The following ERBIN variants were observed in gnomAD, a reference collection of about 807,000 sequenced individuals.
ERBIN encodes the protein densin-180-like protein.
A neutral mutation model predicts 158.4 loss-of-function variants in ERBIN; 60 were observed. The ratio of observed to expected loss-of-function variants is 0.38; its 90% CI spans 0.31 to 0.47. The LOEUF (loss-of-function observed/expected upper bound fraction) is 0.47, where lower values mean the gene tolerates loss of function less well. Among genes scored for constraint, ERBIN ranks in the 20% least tolerant of loss-of-function variants. The pLI is 0.99. For synonymous variants in ERBIN, 594 were observed against 557.2 expected, an observed-to-expected ratio of 1.07 and a Z score of -0.93; for missense variants, 1,610 against 1,648.0, an observed-to-expected ratio of 0.98 and a Z score of 0.40.
chr5:65,999,550 TC>T (rs912787210), intron 4 of ERBIN, among the ~76,000 whole-genome samples: 2 of 152,182 alleles, frequency 1.3e-5, no homozygotes, highest in African/African-American at 4.8e-5. Flanking sequence ...CTAATAATGC[TC>T]TTTTAAACTC....
Position 66,076,350 on chromosome 5 carries a change from G to C in ERBIN, c.3998G>C (p.Gly1333Ala). ...RVRVEKDPEL[G>A]FSISGGVGGR... The stretch of plus-strand genomic sequence containing the variant: ...AGGGTTGAAAAGGATCCAGAACTTG[G>C]ATTTAGCATATCAGGTGGTGTCGGG... Residue 1333 changes from glycine (G) to alanine (A), a missense_variant, in exon 24 of 26, where the codon GGA (glycine) becomes GCA (alanine). Physicochemically the swap from Gly to Ala is moderately conservative, Grantham distance 60 (BLOSUM62 0). Around this residue, in one of 2 missense-constraint regions of ERBIN, gnomAD observed 1,014 missense variants for 936.1 expected, o/e 1.08. Coordinates refer to ENST00000284037, the MANE Select transcript of ERBIN (RefSeq NM_001253697.2). The C allele has an allele frequency of 6.2e-7, 1 of 1,613,560 alleles. No homozygotes were observed. The highest frequency in any genetic ancestry group is 8.5e-7 in the Non-Finnish European group (1 of 1,179,796).
At chr5:65,992,951 A>T in intron 3 of ERBIN, 44 bp downstream of exon 3, 1 of 1,367,682 alleles carries the variant, frequency 7.3e-7, no homozygotes, top group East Asian at 2.4e-5. Context: ...GGTTATTTTT[A>T]TATCTAGAAA....
At chr5:65,957,540 CA>C (rs1381706386) in intron 1 of ERBIN, among the ~76,000 whole-genome samples, 1 of 152,120 alleles carries the variant, frequency 6.6e-6, no homozygotes, top group East Asian at 1.9e-4. Context: ...GGGGTAAGGT[CA>C]TAGATCAACA....
At chr5:66,044,608 T>C (rs1282637432) in intron 17 of ERBIN, among the ~76,000 whole-genome samples, 1 of 150,674 alleles carries the variant, frequency 6.6e-6, no homozygotes, top group East Asian at 2.0e-4. Flanking sequence ...CAACTAAAAG[T>C]ACAAAAATTA....
chr5:66,014,811 A>G, intron 7 of ERBIN, 86 bp downstream of exon 7: 1 of 598,792 alleles, frequency 1.7e-6, no homozygotes, highest in Non-Finnish European at 2.8e-6. Context: ...TATTACCTAA[A>G]ATGTGGTGCA....
intron 7 of ERBIN, among the ~76,000 whole-genome samples, chr5:66,018,340 AC>A (rs1171483495): frequency 7.2e-6 from 1 of 139,624 alleles, no homozygotes; most frequent in Non-Finnish European, 1.5e-5. Context: ...TTAATTTCTT[AC>A]ATCAGAGTTT....
At chr5:65,993,495 C>G (rs1437121739) in intron 3 of ERBIN, among the ~76,000 whole-genome samples, 1 of 151,706 alleles carries the variant, frequency 6.6e-6, no homozygotes, top group Non-Finnish European at 1.5e-5. Flanking sequence ...TTTCACTAAA[C>G]TTTTTTCAGT....
At chr5:65,953,519 C>G (rs149913913) in intron 1 of ERBIN, among the ~76,000 whole-genome samples, 1 of 152,128 alleles carries the variant, frequency 6.6e-6, no homozygotes, top group African/African-American at 2.4e-5. Context: ...ATCCATGTTG[C>G]TACATTTCTG....
chr5:65,929,446 A>G (rs923358272), intron 1 of ERBIN, among the ~76,000 whole-genome samples: 1 of 152,160 alleles, frequency 6.6e-6, no homozygotes, highest in African/African-American at 2.4e-5. Context: ...GATGCTGGGT[A>G]GCAGTTTCTT....
intron 1 of ERBIN, among the ~76,000 whole-genome samples, chr5:65,928,493 A>AGTCCCTTACAG (rs1387119139): frequency 6.6e-6 from 1 of 152,216 alleles, no homozygotes; most frequent in East Asian, 1.9e-4. Context: ...TAATAGAGCA[A>AGTCCCTTACAG]GTCCCTTACA....
intron 1 of ERBIN, among the ~76,000 whole-genome samples, chr5:65,950,607 A>G (rs1387745071): frequency 6.6e-6 from 1 of 152,190 alleles, no homozygotes; most frequent in East Asian, 1.9e-4. Context: ...TTACTTTTCC[A>G]TCATGGATCT....
chr5:65,973,392 T>TA (rs1749490806), intron 1 of ERBIN, among the ~76,000 whole-genome samples: 1 of 150,710 alleles, frequency 6.6e-6, no homozygotes, highest in South Asian at 2.1e-4. Context: ...CCCTAGAACT[T>TA]AAAGTATAAT....
At chr5:66,037,990 A>G (rs1757551941) in intron 14 of ERBIN, among the ~76,000 whole-genome samples, 1 of 152,146 alleles carries the variant, frequency 6.6e-6, no homozygotes, top group Admixed American at 6.6e-5. Flanking sequence ...ATTTTTTCCA[A>G]AAGCATCTTA....
chr5:66,036,999 A>G (rs1246268480), intron 14 of ERBIN, among the ~76,000 whole-genome samples: 1 of 152,154 alleles, frequency 6.6e-6, no homozygotes, highest in African/African-American at 2.4e-5. Context: ...AAAGGATACA[A>G]TTCAGTGGTT....
chr5:65,997,927 T>TACACACAC (rs60768327), intron 4 of ERBIN, among the ~76,000 whole-genome samples: 102 of 150,312 alleles, frequency 6.8e-4, no homozygotes, highest in African/African-American at 2.5e-3. Flanking sequence ...GGTGTCTGTC[T>TACACACAC]ACACACACAC....
intron 1 of ERBIN, among the ~76,000 whole-genome samples, chr5:65,964,739 A>G (rs1424899936): frequency 1.7e-5 from 2 of 114,538 alleles, no homozygotes; most frequent in Admixed American, 9.8e-5. Context: ...AGCCAGAGCA[A>G]TCTTTTTTTT....
chr5:65,928,287 A>C (rs1041961575), intron 1 of ERBIN, among the ~76,000 whole-genome samples: 3 of 151,972 alleles, frequency 2.0e-5, no homozygotes, highest in Non-Finnish European at 4.4e-5. Context: ...GAACCATGGA[A>C]TAATTCTTGT....
At chr5:66,011,426 G>T (rs1311268157) in intron 4 of ERBIN, among the ~76,000 whole-genome samples, 1 of 152,188 alleles carries the variant, frequency 6.6e-6, no homozygotes, top group Non-Finnish European at 1.5e-5. Context: ...GGTGGCTCAA[G>T]CCTGTAATCT....
intron 21 of ERBIN, among the ~76,000 whole-genome samples, chr5:66,057,167 G>A (rs533731921): frequency 6.6e-5 from 10 of 152,198 alleles, no homozygotes; most frequent in South Asian, 2.1e-4. Flanking sequence ...TAACAGTTCC[G>A]AATCCTAGCT....
Sources: gnomAD v4.1 joint callset for allele counts (sites outside exome capture counted in the v4.1 genomes callset) on GRCh38, gnomAD v4.1.1 for gene constraint, gnomAD v4.1.1 regional missense constraint, MANE v1.5 for transcripts, NCBI Gene and HGNC (gene_info 2026-07-23, HGNC 2026-07-21) for gene names.